Variants in NF2 observed in about 807,000 individuals in gnomAD.
NF2 encodes NF2, moesin-ezrin-radixin like (MERLIN) tumor suppressor, also known as merlin.
NF2 carries 8 observed loss-of-function variants against 83.7 expected under a neutral mutation model. The ratio of observed to expected loss-of-function variants is 0.10; its 90% confidence interval spans 0.06 to 0.17. The LOEUF is 0.17. Among genes scored for constraint, NF2 ranks in the 10% least tolerant of loss-of-function variants. The probability of loss-of-function intolerance (pLI) is 1.00; values close to 1 mark genes in which losing one functional copy is unlikely to be tolerated. For synonymous variants in NF2, 266 were observed against 269.6 expected (o/e 0.99, Z 0.13); for missense variants, 533 against 744.4 (o/e 0.72, Z 3.31).
chr22:29,672,941 GACAAAAAAC>G (rs1384343189), intron 11 of NF2, among the ~76,000 whole-genome samples: 2 of 152,168 alleles, frequency 1.3e-5, no homozygotes, highest in Non-Finnish European at 2.9e-5. Flanking sequence ...TCTTGCAGGG[GACAAAAAAC>G]TCCTCTGGTT....
At chr22:29,604,400 G>T (rs1487253682) in intron 1 of NF2, among the ~76,000 whole-genome samples, 2 of 152,200 alleles carry the variant, frequency 1.3e-5, no homozygotes, top group African/African-American at 4.8e-5. Flanking sequence ...ACGCTTAAAA[G>T]CTTGAAAGTT....
intron 7 of NF2, among the ~76,000 whole-genome samples, chr22:29,660,212 C>T (rs1034495910): frequency 2.0e-5 from 3 of 152,156 alleles, no homozygotes; most frequent in African/African-American, 7.2e-5. Context: ...GCTGTGGGAG[C>T]CCAGGGCACC....
At chr22:29,662,079 C>A (rs1398306572) in intron 8 of NF2, among the ~76,000 whole-genome samples, 1 of 152,164 alleles carries the variant, frequency 6.6e-6, no homozygotes, top group African/African-American at 2.4e-5. Flanking sequence ...GTTTACTCAT[C>A]CATCCATTCA....
chr22:29,664,032 C>T (rs1014463209), intron 8 of NF2, among the ~76,000 whole-genome samples: 1 of 152,210 alleles, frequency 6.6e-6, no homozygotes, highest in Non-Finnish European at 1.5e-5. Context: ...CCATTTGATT[C>T]TATTAACAGC....
chr22:29,684,426 A>G (rs1360027453), intron 15 of NF2, among the ~76,000 whole-genome samples: 1 of 152,202 alleles, frequency 6.6e-6, no homozygotes, highest in Non-Finnish European at 1.5e-5. Flanking sequence ...CATTTCAGCC[A>G]GTGCTGCCAG....
chr22:29,676,242 C>T (rs938486635), intron 13 of NF2, among the ~76,000 whole-genome samples: 9 of 151,876 alleles, frequency 5.9e-5, no homozygotes, highest in Non-Finnish European at 1.0e-4. Context: ...GGCAGAATCT[C>T]GGCTCACTGC....
chr22:29,646,244 C>T (rs962065180), intron 4 of NF2, among the ~76,000 whole-genome samples: 1 of 151,966 alleles, frequency 6.6e-6, no homozygotes, highest in Admixed American at 6.6e-5. Flanking sequence ...TTATGTTAAG[C>T]CTATTTTTAT....
intron 4 of NF2, among the ~76,000 whole-genome samples, chr22:29,649,024 A>G (rs538418479): frequency 3.9e-5 from 6 of 152,312 alleles, no homozygotes; most frequent in Non-Finnish European, 8.8e-5. Flanking sequence ...AACAGATGCA[A>G]TGGACATCCT....
Position 29,694,842 on chromosome 22 carries a change from C to A in NF2, c.*40C>A. On this transcript the variant is annotated 3_prime_UTR_variant, in exon 16 of 16. Coordinates refer to ENST00000338641, the MANE Select transcript of NF2 (RefSeq NM_000268.4). The surrounding 1 kb of genome is among the most constrained non-coding windows in gnomAD (Gnocchi z 4.1). Reference sequence around the variant, plus strand: ...ACCCCAGGACCTGCCACTTCTCCTGCTACCGGGACCGCGGGATGGACCAGA... The same window carrying A: ...ACCCCAGGACCTGCCACTTCTCCTGATACCGGGACCGCGGGATGGACCAGA... The A allele has an allele frequency of 6.2e-7, 1 of 1,601,488 alleles. No individual in the cohort carries two copies. Among genetic ancestry groups the A allele is most frequent in the Non-Finnish European group, 8.5e-7 (1 of 1,171,578 alleles).
At chr22:29,680,595 C>T (rs1569311144) in intron 14 of NF2, among the ~76,000 whole-genome samples, 1 of 152,194 alleles carries the variant, frequency 6.6e-6, no homozygotes, top group African/African-American at 2.4e-5. Flanking sequence ...GGGTGGTTTC[C>T]AGATTTTCAC....
Position 29,603,857 on chromosome 22 carries a change from G to A in NF2, c.-142G>A. ...CTCGCGGCCCATGCTGGCCGCTGGG[G>A]ACCCGCGCAGCCCAGACCGTTCCCG... On this transcript the variant is annotated 5_prime_UTR_variant, in exon 1 of 16. Coordinates refer to ENST00000338641, the MANE Select transcript of NF2 (RefSeq NM_000268.4). 1 of 626,788 alleles carries A rather than the reference G, an allele frequency of 1.6e-6. No homozygotes were observed. Among genetic ancestry groups the A allele is most frequent in the Non-Finnish European group, 2.7e-6 (1 of 363,992 alleles). The allele number at this position is 626,788 out of a possible 1,614,324, so 38.8% of individuals were successfully genotyped here. A position where few individuals can be genotyped will look rare whatever the true frequency, so the allele number is the denominator to read the frequency against.
In NF2 at chr22:29,696,044, T is replaced by TG. The variant is rs1490476768; in HGVS notation, c.*1246dup. 3 of 229,938 alleles carry TG rather than the reference T, an allele frequency of 1.3e-5. No homozygotes were observed. The highest frequency in any genetic ancestry group is 2.6e-5 in the Non-Finnish European group (3 of 116,980). The allele number at this position is 229,938 out of a possible 1,614,324, so 14.2% of individuals were successfully genotyped here. A position where few individuals can be genotyped will look rare whatever the true frequency, so the allele number is the denominator to read the frequency against. ...CACCCCCACGGCTCACTCCTTGGTC[T>TG]GGGGCCACCTTCTTGCCCTTTCTTT... On this transcript the variant is annotated 3_prime_UTR_variant, in exon 16 of 16. Coordinates refer to ENST00000338641, the MANE Select transcript of NF2 (RefSeq NM_000268.4).
At chr22:29,672,309 CTTTTTTTTT>C (rs779561094) in intron 11 of NF2, among the ~76,000 whole-genome samples, 2 of 123,624 alleles carry the variant, frequency 1.6e-5, no homozygotes, top group African/African-American at 6.1e-5. Flanking sequence ...CCACATGTCT[CTTTTTTTTT>C]TTTTTTTTTT....
At chr22:29,671,358 A>T (rs1234514168) in intron 10 of NF2, among the ~76,000 whole-genome samples, 1 of 152,086 alleles carries the variant, frequency 6.6e-6, no homozygotes, top group African/African-American at 2.4e-5. Context: ...GTGAAACCTG[A>T]TCTCTACTAA....
At chr22:29,684,940 G>A (rs1483104477) in intron 15 of NF2, among the ~76,000 whole-genome samples, 1 of 151,784 alleles carries the variant, frequency 6.6e-6, no homozygotes, top group Non-Finnish European at 1.5e-5. Context: ...AGTCTGGCTG[G>A]CACAAGCCTA....
rs566068424 is a variant in NF2, at chr22:29,626,433, C to T, written c.115-10318C>T. ...TCCCAAAGTGCTGGGATTACATGTG[C>T]GAGCCACCACGCCCAGCCCCATCTG... On this transcript the variant is annotated intron_variant, in intron 1 of 15. Transcript: ENST00000338641. 5.3e-5 allele frequency among the ~76,000 whole-genome samples: 8 copies of T among 152,138 alleles called. No individual in the cohort carries two copies. The South Asian group carries it at 6.2e-4, about 12-fold the overall frequency.
chr22:29,643,744 C>T (rs1039749178), intron 4 of NF2, among the ~76,000 whole-genome samples: 7 of 152,338 alleles, frequency 4.6e-5, no homozygotes, highest in East Asian at 1.9e-4. Context: ...CCCACCTTTC[C>T]CCCCTTTCTA....
In NF2 at chr22:29,603,710, G is replaced by C. The variant is rs1444945058; in HGVS notation, c.-289G>C. On this transcript the variant is annotated 5_prime_UTR_variant, in exon 1 of 16. Transcript: ENST00000338641. The stretch of plus-strand genomic sequence containing the variant: ...AGGGGTCCCGTCCCGAGGCGTCCCC[G>C]GCATCTCCGGCCCGAATCCCGGAGT... 4.5e-6 allele frequency: 2 copies of C among 446,548 alleles called. No homozygotes were observed. Among genetic ancestry groups the C allele is most frequent in the Admixed American group, 8.1e-5 (2 of 24,706 alleles). 27.7% of individuals were successfully genotyped at this position (446,548 alleles called of 1,614,324 possible).
chr22:29,688,314 G>A (rs983780300), intron 15 of NF2, among the ~76,000 whole-genome samples: 3 of 152,218 alleles, frequency 2.0e-5, no homozygotes, highest in Admixed American at 2.0e-4. Context: ...CTGAAGATGT[G>A]TTTCAGTGCA....
Sources: allele counts gnomAD v4.1 joint callset (sites outside exome capture counted in the v4.1 genomes callset), GRCh38; gene constraint gnomAD v4.1.1; non-coding constraint Gnocchi (gnomAD v3.1); transcripts MANE v1.5; gene names NCBI Gene and HGNC (gene_info 2026-07-23, HGNC 2026-07-21).